Variants in CLEC18A observed in about 807,000 individuals in gnomAD.
The protein encoded by CLEC18A is C-type lectin domain family 18 member A.
Under a neutral mutation model 24.0 loss-of-function variants are expected in CLEC18A, and 5 were observed. That is an observed-to-expected ratio of 0.21 (90% CI 0.11 to 0.44). CLEC18A has a LOEUF of 0.44. Ranked by LOEUF, CLEC18A falls within the 20% of genes least tolerant of loss-of-function variation. CLEC18A has a pLI of 0.99. For missense variants in CLEC18A, 83 were observed against 233.4 expected (o/e 0.36, Z 4.20); for synonymous variants, 29 against 100.1 (o/e 0.29, Z 4.24).
chr16:69,950,670 C>T (rs1191319580), upstream of CLEC18A: 1 of 80,496 alleles, frequency 1.2e-5, no homozygotes, highest in Admixed American at 1.5e-4. Context: ...TGGTGGGCAC[C>T]GGGGCTGGGC....
chr16:69,965,268 C>T (rs931582020), downstream of CLEC18A, among the ~76,000 whole-genome samples: 9 of 151,952 alleles, frequency 5.9e-5, no homozygotes, highest in Non-Finnish European at 1.0e-4. Flanking sequence ...CCTGCCCGGG[C>T]ACTGGCGCAA....
chr16:69,965,130 G>C (rs961813215), downstream of CLEC18A, among the ~76,000 whole-genome samples: 13 of 151,712 alleles, frequency 8.6e-5, no homozygotes, highest in African/African-American at 3.2e-4. Flanking sequence ...TGCTTCCCAT[G>C]GCTTCGCCTG....
rs759819940 is a variant in CLEC18A at position 69,954,468 on chromosome 16, G to C, written c.351G>C (p.Leu117Phe). The C allele has an allele frequency of 7.5e-6, 12 of 1,603,552 alleles. No homozygotes were observed. In the Admixed American group the frequency reaches 2.0e-4, roughly 27 times the overall value. Reference protein sequence around the residue: ...GWNMQLLPAGLVSFVEVVSLW... With the variant: ...GWNMQLLPAGFVSFVEVVSLW... Reference sequence around the variant, plus strand: ...ACATGCAGCTGCTACCCGCGGGCTTGGTGTCCTTTGTCGAAGTGGTCAGCC... The same window carrying C: ...ACATGCAGCTGCTACCCGCGGGCTTCGTGTCCTTTGTCGAAGTGGTCAGCC... The change falls in exon 3 of 12, where the codon TTG (leucine) becomes TTC (phenylalanine). Residue 117 changes from leucine (L) to phenylalanine (F), a missense_variant. Around this residue, in one of 3 missense-constraint regions of CLEC18A, gnomAD observed 71 missense variants for 107.4 expected, o/e 0.66. Transcript: ENST00000288040.
At chr16:69,965,299 C>A (rs1284969597), downstream of CLEC18A, among the ~76,000 whole-genome samples, 1 of 151,992 alleles carries the variant, frequency 6.6e-6, no homozygotes, top group Non-Finnish European at 1.5e-5. Context: ...GAGCGCCAGG[C>A]CTTCCTGCCC....
At chr16:69,964,435 A>T (rs4985471), downstream of CLEC18A, 41,755 of 145,930 alleles carry the variant, frequency 0.29, 7,268 homozygotes, top group Non-Finnish European at 0.38. Context: ...AAGATCATAC[A>T]GCTGGGAGTC....
At chr16:69,964,787 G>C (rs1219398939), downstream of CLEC18A, among the ~76,000 whole-genome samples, 1 of 151,484 alleles carries the variant, frequency 6.6e-6, no homozygotes, top group Non-Finnish European at 1.5e-5. Flanking sequence ...ACAGGCGTGA[G>C]CCACCGCGCC....
At chr16:69,963,530 G>A (rs746456911) in intron 11 of CLEC18A, 44 bp from the exon 12 acceptor site, 1 of 1,608,966 alleles carries the variant, frequency 6.2e-7, no homozygotes, top group Admixed American at 1.7e-5. Flanking sequence ...TCTTGGGACT[G>A]CCTGGGCTGC....
chr16:69,953,830 A>AAG, intron 2 of CLEC18A: 2 of 178,028 alleles, frequency 1.1e-5, no homozygotes, highest in South Asian at 2.4e-4. Context: ...AAAAAAAAAA[A>AAG]AAGAAGAGGG....
At chr16:69,951,856 G>GCCTGCTGTAC in intron 1 of CLEC18A, 179 bp from the exon 2 acceptor site, 1 of 422,302 alleles carries the variant, frequency 2.4e-6, no homozygotes, top group Non-Finnish European at 4.3e-6. Context: ...CTCAGCCCAC[G>GCCTGCTGTAC]CCTGCTGTAC....
upstream of CLEC18A, among the ~76,000 whole-genome samples, chr16:69,950,365 C>T (rs1171955149): frequency 2.3e-5 from 3 of 128,816 alleles, no homozygotes; most frequent in Non-Finnish European, 5.6e-5. Flanking sequence ...TGGTCTTCCC[C>T]GAGAGGAACG....
downstream of CLEC18A, among the ~76,000 whole-genome samples, chr16:69,965,479 C>A (rs1261680264): frequency 1.3e-5 from 2 of 151,518 alleles, no homozygotes; most frequent in African/African-American, 4.9e-5. Context: ...CCCGGGCGCG[C>A]GCTGCCCGAG....
upstream of CLEC18A, among the ~76,000 whole-genome samples, chr16:69,948,962 T>G (rs1371261326): frequency 1.4e-3 from 17 of 12,084 alleles, no homozygotes; most frequent in Non-Finnish European, 1.6e-3. Flanking sequence ...TTTTGAGGGG[T>G]CGGGGGTGGG....
chr16:69,948,479 A>G (rs1398383006), upstream of CLEC18A, among the ~76,000 whole-genome samples: 2 of 151,786 alleles, frequency 1.3e-5, no homozygotes, highest in African/African-American at 4.9e-5. Flanking sequence ...CTCGAACGCT[A>G]TAACCTTCAA....
At chr16:69,965,320 G>C (rs552437994), downstream of CLEC18A, among the ~76,000 whole-genome samples, 107 of 148,802 alleles carry the variant, frequency 7.2e-4, 3 homozygotes, top group South Asian at 0.021. Flanking sequence ...GGTGGGAGAC[G>C]GGAGGGCCCG....
downstream of CLEC18A, among the ~76,000 whole-genome samples, chr16:69,965,447 C>G (rs996197811): frequency 4.6e-5 from 7 of 151,928 alleles, no homozygotes; most frequent in African/African-American, 1.5e-4. Context: ...CCGCCCTGCG[C>G]ATGCCCGCGG....
At chr16:69,964,506 CTTTTTT>C (rs111959288), downstream of CLEC18A, 10 of 102,664 alleles carry the variant, frequency 9.7e-5, no homozygotes, top group African/African-American at 2.7e-4. Flanking sequence ...CTTTTCTTTT[CTTTTTT>C]TTTTTGAGAC....
rs1183566922 is a variant in CLEC18A, at chr16:69,954,469, G to A, written c.352G>A (p.Val118Met). 6.2e-7 allele frequency: 1 copy of A among 1,604,192 alleles called. No homozygotes were observed. Among genetic ancestry groups the A allele is most frequent in the Admixed American group, 1.7e-5 (1 of 59,080 alleles). The change falls in exon 3 of 12, where the codon GTG becomes ATG. Residue 118 changes from valine (V) to methionine (M), a missense_variant. Val to Met is a conservative substitution (Grantham distance 21, BLOSUM62 1). Transcript: ENST00000288040. ...CATGCAGCTGCTACCCGCGGGCTTG[G>A]TGTCCTTTGTCGAAGTGGTCAGCCT... The part of the protein sequence containing the change: ...WNMQLLPAGL[V>M]SFVEVVSLWF...
the CLEC18A span, among the ~76,000 whole-genome samples, chr16:69,944,913 G>A: frequency 1.3e-4 from 17 of 132,036 alleles, no homozygotes; most frequent in Non-Finnish European, 2.5e-4. Context: ...GGCCAAGGCA[G>A]GAGGATCGCT....
intron 3 of CLEC18A, among the ~76,000 whole-genome samples, 176 bp from the exon 4 acceptor site, chr16:69,958,766 T>A (rs867896159): frequency 2.3e-3 from 298 of 130,286 alleles, no homozygotes; most frequent in Middle Eastern, 0.011. Context: ...AATAAATAAA[T>A]AAGCCTTCCT....
Sources: allele counts gnomAD v4.1 joint callset (sites outside exome capture counted in the v4.1 genomes callset), GRCh38; gene constraint gnomAD v4.1.1; regional missense constraint gnomAD v4.1.1; transcripts MANE v1.5; gene names NCBI Gene and HGNC (gene_info 2026-07-23, HGNC 2026-07-21).